Variants in GRB14 observed in about 807,000 individuals in gnomAD.
The protein encoded by GRB14 is growth factor receptor bound protein 14, also known as growth factor receptor-bound protein 14.
Under a neutral mutation model 69.1 loss-of-function variants are expected in GRB14, and 38 were observed. The ratio of observed to expected loss-of-function variants is 0.55; its 90% CI spans 0.42 to 0.72. GRB14 has a LOEUF of 0.72. Among genes scored for constraint, GRB14 ranks in the 30% least tolerant of loss-of-function variants. The pLI, the probability that GRB14 is intolerant of heterozygous loss-of-function variation, is 0.00. For synonymous variants in GRB14, 247 were observed against 241.3 expected (o/e 1.02, Z -0.22); for missense variants, 666 against 666.1 (o/e 1.00, Z 0.00).
chr2:164,492,960 G>A lies in GRB14; in HGVS notation c.*76C>T, dbSNP rs1016616679. ...ATTCTTTTCACATGGTAATGTTTTC[G>A]CCCTTATTTATGGTCTTTTATTATT... On this transcript the variant is annotated 3_prime_UTR_variant, in exon 14 of 14. Transcript: ENST00000263915. The A allele has an allele frequency of 2.1e-5, 27 of 1,315,802 alleles. No individual in the cohort carries two copies. Among genetic ancestry groups the A allele is most frequent in the Admixed American group, 7.1e-5 (3 of 42,506 alleles). 81.5% of individuals were successfully genotyped at this position (1,315,802 alleles called of 1,614,324 possible).
intron 2 of GRB14, among the ~76,000 whole-genome samples, chr2:164,574,373 C>T (rs1689196915): frequency 6.6e-6 from 1 of 151,750 alleles, no homozygotes; most frequent in Non-Finnish European, 1.5e-5. Flanking sequence ...TCCCGAGTAG[C>T]TGGGACTACA....
Position 164,589,656 on chromosome 2 carries a change from G to T in GRB14, c.324+30031C>A, listed in dbSNP as rs1227517130. On this transcript the variant is annotated intron_variant, in intron 2 of 13. Coordinates refer to ENST00000263915, the MANE Select transcript of GRB14 (RefSeq NM_004490.3). ...AGAAGGGCATTAATCTATTCATGGG[G>T]ACTTCAGTCCCATGGCCCAAACAGA... 2.0e-5 allele frequency among the ~76,000 whole-genome samples: 3 copies of T among 152,132 alleles called. No individual in the cohort carries two copies. The East Asian group carries it at 5.8e-4, about 30-fold the overall frequency.
intron 2 of GRB14, among the ~76,000 whole-genome samples, chr2:164,602,508 T>C (rs1392665809): frequency 1.3e-5 from 2 of 152,228 alleles, no homozygotes; most frequent in Admixed American, 6.5e-5. Flanking sequence ...TTACACGTAC[T>C]TCATAAGAAA....
At chr2:164,554,866 C>A (rs1688639276) in intron 2 of GRB14, among the ~76,000 whole-genome samples, 1 of 151,304 alleles carries the variant, frequency 6.6e-6, no homozygotes, top group African/African-American at 2.4e-5. Flanking sequence ...TAACACAACC[C>A]ATTTTTAGAA....
chr2:164,543,721 T>C lies in GRB14; in HGVS notation c.481+3939A>G, dbSNP rs183363445. Among the ~76,000 whole-genome samples the C allele has an allele frequency of 2.4e-3, 367 of 152,310 alleles. 2 individuals carry two copies. Among genetic ancestry groups the C allele is most frequent in the African/African-American group, 8.4e-3 (349 of 41,580 alleles). On this transcript the variant is annotated intron_variant, in intron 3 of 13. Coordinates refer to ENST00000263915, the MANE Select transcript of GRB14 (RefSeq NM_004490.3). The stretch of plus-strand genomic sequence containing the variant: ...TCACATTTAAGGAGAAAAAAACCAC[T>C]GTAGTTCTTTCCATTCATTTAAATA...
At position 164,497,038 on chromosome 2, in the gene GRB14, C is replaced by T. The variant is rs766876255; in HGVS notation, c.1352G>A (p.Arg451Gln). The change falls in exon 12 of 14, where the codon CGA (arginine) becomes CAA (glutamine). Residue 451 changes from arginine to glutamine, a missense_variant. By Grantham distance (43) the Arg-to-Gln change is conservative. Coordinates refer to ENST00000263915, the MANE Select transcript of GRB14 (RefSeq NM_004490.3). Reference sequence around the variant, plus strand: ...CACAAGTCCTTGCTGAATAATCAATCGCTGAGCCTCATCTCTAGAAATTTT... The same window carrying T: ...CACAAGTCCTTGCTGAATAATCAATTGCTGAGCCTCATCTCTAGAAATTTT... ...HHKISRDEAQ[R>Q]LIIQQGLVDG... 8 of 1,613,732 alleles carry T rather than the reference C, an allele frequency of 5.0e-6. No individual in the cohort carries two copies. Among genetic ancestry groups the T allele is most frequent in the African/African-American group, 2.7e-5 (2 of 74,910 alleles).
At chr2:164,511,322 A>G (rs1280776266) in intron 6 of GRB14, among the ~76,000 whole-genome samples, 1 of 152,184 alleles carries the variant, frequency 6.6e-6, no homozygotes, top group Non-Finnish European at 1.5e-5. Context: ...AAGCCCAGGC[A>G]GCACAGCTCG....
chr2:164,500,837 C>A lies in GRB14; in HGVS notation c.1104+1418G>T, dbSNP rs76145725. Among the ~76,000 whole-genome samples, 23 of 152,120 alleles carry A rather than the reference C, an allele frequency of 1.5e-4. No individual in the cohort carries two copies. In the East Asian group the frequency reaches 4.3e-3, roughly 28 times the overall value. On this transcript the variant is annotated intron_variant, in intron 9 of 13. Transcript: ENST00000263915. ...CACATCTAGATCAATAGCAGCATCACCTTCAATGGAAAAAGACAAGGGTAA... is the reference window on the plus strand; with the variant it reads ...CACATCTAGATCAATAGCAGCATCAACTTCAATGGAAAAAGACAAGGGTAA...
At chr2:164,609,083 A>G (rs1014383070) in intron 2 of GRB14, among the ~76,000 whole-genome samples, 3 of 152,196 alleles carry the variant, frequency 2.0e-5, no homozygotes, top group Admixed American at 2.0e-4. Flanking sequence ...AATGATTTCT[A>G]TTAACATTTT....
chr2:164,560,811 G>A (rs1275239393), intron 2 of GRB14, among the ~76,000 whole-genome samples: 1 of 152,104 alleles, frequency 6.6e-6, no homozygotes, highest in African/African-American at 2.4e-5. Context: ...ATGCATGTCT[G>A]ATTAGGAGGC....
intron 3 of GRB14, among the ~76,000 whole-genome samples, chr2:164,530,813 T>TAG (rs1277526382): frequency 1.3e-5 from 2 of 152,146 alleles, no homozygotes; most frequent in African/African-American, 4.8e-5. Flanking sequence ...GCTAGGCTTT[T>TAG]CCTCTGTGTT....
chr2:164,507,299 G>A (rs957383432), intron 8 of GRB14, among the ~76,000 whole-genome samples: 4 of 152,092 alleles, frequency 2.6e-5, no homozygotes, highest in African/African-American at 9.7e-5. Context: ...TATACAAACT[G>A]CAAATCAATT....
chr2:164,522,227 C>A lies in GRB14; in HGVS notation c.679-110G>T, dbSNP rs150922782. The stretch of plus-strand genomic sequence containing the variant: ...TAAACATGTAAAAATCACACAAGAT[C>A]ATAACATATAACATTATGGTAATTA... On this transcript the variant is annotated intron_variant, in intron 5 of 13. Transcript: ENST00000263915. 8.3e-4 allele frequency: 555 copies of A among 671,774 alleles called. 1 individual carries two copies. The African/African-American group carries it at 8.9e-3, about 11-fold the overall frequency. The allele number at this position is 671,774 out of a possible 1,614,324, so 41.6% of individuals were successfully genotyped here. A position where few individuals can be genotyped will look rare whatever the true frequency, so the allele number is the denominator to read the frequency against.
chr2:164,533,502 G>C (rs981521596), intron 3 of GRB14, among the ~76,000 whole-genome samples: 2 of 151,846 alleles, frequency 1.3e-5, no homozygotes, highest in African/African-American at 4.8e-5. Context: ...TTACAGGCGT[G>C]AGCCACCGCG....
At chr2:164,558,512 C>T (rs993737117) in intron 2 of GRB14, among the ~76,000 whole-genome samples, 2 of 152,230 alleles carry the variant, frequency 1.3e-5, no homozygotes, top group Middle Eastern at 3.4e-3. Context: ...CTAAAGTTTC[C>T]GATGATTTCA....
chr2:164,606,558 A>G (rs1275215118), intron 2 of GRB14, among the ~76,000 whole-genome samples: 1 of 152,156 alleles, frequency 6.6e-6, no homozygotes, highest in Admixed American at 6.6e-5. Context: ...CCTCTTCTAT[A>G]TCTTTCCCAA....
chr2:164,550,485 T>C (rs1688506481), intron 2 of GRB14, among the ~76,000 whole-genome samples: 1 of 152,206 alleles, frequency 6.6e-6, no homozygotes, highest in South Asian at 2.1e-4. Context: ...TTAAAAATTA[T>C]ACTTAATGAC....
In GRB14 at chr2:164,591,218, G is replaced by T. The variant is rs79642113; in HGVS notation, c.324+28469C>A. On this transcript the variant is annotated intron_variant, in intron 2 of 13. Coordinates refer to ENST00000263915, the MANE Select transcript of GRB14 (RefSeq NM_004490.3). ...ACTAGGGAAGGAGAAAGAGCACACAGGAAGATTAGACTAGCTTTTGTTTCT... is the reference window on the plus strand; with the variant it reads ...ACTAGGGAAGGAGAAAGAGCACACATGAAGATTAGACTAGCTTTTGTTTCT... 6.3e-3 allele frequency among the ~76,000 whole-genome samples: 959 copies of T among 152,284 alleles called. 7 individuals are homozygous for T. The highest frequency in any genetic ancestry group is 0.027 in the Middle Eastern group (8 of 294).
chr2:164,542,830 G>A (rs1466044390), intron 3 of GRB14, among the ~76,000 whole-genome samples: 1 of 152,178 alleles, frequency 6.6e-6, no homozygotes, highest in Non-Finnish European at 1.5e-5. Context: ...AAAGTAGTTT[G>A]GAGATTTCTC....
Sources: gnomAD v4.1 joint callset for allele counts (sites outside exome capture counted in the v4.1 genomes callset) on GRCh38, gnomAD v4.1.1 for gene constraint, MANE v1.5 for transcripts, NCBI Gene and HGNC (gene_info 2026-07-23, HGNC 2026-07-21) for gene names.